Variants in C10orf67 observed in about 807,000 individuals in gnomAD.
C10orf67 encodes chromosome 10 open reading frame 67.
In C10orf67, 60 loss-of-function variants were observed where a neutral mutation model predicts 35.6. The ratio of observed to expected loss-of-function variants is 1.68; its 90% CI spans 1.37 to 2.09. C10orf67 has a LOEUF of 2.09. Among genes scored for constraint, C10orf67 ranks in the 30% most tolerant of loss-of-function variants. The probability of loss-of-function intolerance (pLI) is 0.00; values close to 1 mark genes in which losing one functional copy is unlikely to be tolerated. For missense variants in C10orf67, 474 were observed against 330.2 expected, an observed-to-expected ratio of 1.44 and a Z score of -3.38; for synonymous variants, 167 against 115.8, an observed-to-expected ratio of 1.44 and a Z score of -2.84.
intron 10 of C10orf67, among the ~76,000 whole-genome samples, chr10:23,259,129 T>C (rs1281812167): frequency 6.6e-6 from 1 of 152,230 alleles, no homozygotes; most frequent in African/African-American, 2.4e-5. Context: ...TTTTTCAAAC[T>C]ACAGAGCAAG....
chr10:23,232,237 A>G (rs1841932922), intron 13 of C10orf67, among the ~76,000 whole-genome samples: 1 of 152,188 alleles, frequency 6.6e-6, no homozygotes, highest in Admixed American at 6.5e-5. Context: ...AAAAAACATG[A>G]AACAACATAA....
intron 4 of C10orf67, among the ~76,000 whole-genome samples, chr10:23,304,986 T>A (rs1844221729): frequency 6.6e-6 from 1 of 152,152 alleles, no homozygotes; most frequent in African/African-American, 2.4e-5. Context: ...GTAACTCGGC[T>A]GCAACCCTAC....
intron 1 of C10orf67, chr10:23,344,113 C>G (rs1355341114): frequency 5.7e-6 from 1 of 176,046 alleles, no homozygotes; most frequent in Non-Finnish European, 1.2e-5. Context: ...GCGCGGGAAT[C>G]CGTGGGCGGG....
At chr10:23,261,786 T>C (rs905201814) in intron 10 of C10orf67, among the ~76,000 whole-genome samples, 2 of 152,222 alleles carry the variant, frequency 1.3e-5, no homozygotes, top group African/African-American at 2.4e-5. Flanking sequence ...AAAATAGTAA[T>C]AGATGAATCA....
In C10orf67 at chr10:23,250,662, T is replaced by C. The variant is rs1050644811; in HGVS notation, c.1230A>G (p.Gln410=). ...CTAAATTTGCCTTTAATGCTTCTAT[T>C]TGAGACTCCAAACCATGTTTGTCTT... ...VVEDKHGLES[Q]IEALKANLEN... The change falls in exon 11 of 16, where the codon CAA becomes CAG. Residue 410 remains glutamine (Q), a synonymous_variant. Coordinates refer to ENST00000636213, the MANE Select transcript of C10orf67 (RefSeq NM_001371909.1). The C allele has an allele frequency of 1.5e-4, 59 of 398,664 alleles. No individual in the cohort carries two copies. In the East Asian group the frequency reaches 1.5e-3, roughly 10 times the overall value. 24.7% of individuals were successfully genotyped at this position (398,664 alleles called of 1,614,324 possible).
intron 4 of C10orf67, chr10:23,317,950 A>T (rs1844791989): frequency 6.6e-6 from 1 of 151,214 alleles, no homozygotes. Flanking sequence ...ATATATATTT[A>T]AATTAACTGG....
chr10:23,342,815 G>A (rs1845956742), intron 1 of C10orf67, among the ~76,000 whole-genome samples: 1 of 152,202 alleles, frequency 6.6e-6, no homozygotes, highest in African/African-American at 2.4e-5. Flanking sequence ...TGCCTCACTG[G>A]GTCAGTCCCA....
At chr10:23,228,021 A>C (rs1283132971) in intron 13 of C10orf67, among the ~76,000 whole-genome samples, 1 of 152,202 alleles carries the variant, frequency 6.6e-6, no homozygotes, top group East Asian at 1.9e-4. Flanking sequence ...GCCCAAGGGA[A>C]TTTATAGATT....
chr10:23,228,530 C>G (rs1412310762), intron 13 of C10orf67, among the ~76,000 whole-genome samples: 1 of 152,124 alleles, frequency 6.6e-6, no homozygotes, highest in Non-Finnish European at 1.5e-5. Flanking sequence ...TAGGCATGGG[C>G]AAGGACTTCA....
chr10:23,287,983 G>A (rs1214437694), intron 7 of C10orf67, among the ~76,000 whole-genome samples: 7 of 152,146 alleles, frequency 4.6e-5, no homozygotes, highest in Non-Finnish European at 8.8e-5. Context: ...ATGCTGGTGA[G>A]GCTGCAGAGA....
intron 13 of C10orf67, among the ~76,000 whole-genome samples, chr10:23,230,113 T>G (rs1223643140): frequency 2.0e-5 from 3 of 152,082 alleles, no homozygotes; most frequent in African/African-American, 7.2e-5. Context: ...AAATCAGTGT[T>G]ATATTGGTGC....
intron 4 of C10orf67, among the ~76,000 whole-genome samples, chr10:23,308,821 G>A (rs1270694391): frequency 6.6e-6 from 1 of 152,138 alleles, no homozygotes; most frequent in Non-Finnish European, 1.5e-5. Context: ...TTTGGATAGT[G>A]CCTACAACAA....
At chr10:23,256,676 T>TCA (rs1842611737) in intron 10 of C10orf67, among the ~76,000 whole-genome samples, 1 of 150,190 alleles carries the variant, frequency 6.7e-6, no homozygotes, top group Non-Finnish European at 1.5e-5. Flanking sequence ...TTGCACTCAC[T>TCA]CACAAGTTTT....
intron 7 of C10orf67, among the ~76,000 whole-genome samples, chr10:23,283,894 C>T (rs1054976746): frequency 3.3e-5 from 5 of 152,092 alleles, no homozygotes; most frequent in Admixed American, 3.3e-4. Flanking sequence ...TCTCTGACTC[C>T]GGGTCTGCCT....
intron 2 of C10orf67, among the ~76,000 whole-genome samples, chr10:23,330,584 T>C (rs567131629): frequency 6.6e-5 from 10 of 151,570 alleles, no homozygotes; most frequent in African/African-American, 2.4e-4. Flanking sequence ...ACTAAAAATA[T>C]AAAAAATTAG....
intron 6 of C10orf67, among the ~76,000 whole-genome samples, chr10:23,290,860 A>G (rs553413674): frequency 1.3e-3 from 202 of 152,344 alleles, no homozygotes; most frequent in Middle Eastern, 6.8e-3. Flanking sequence ...AGTGAAATGG[A>G]GCATTGATTA....
chr10:23,259,247 A>G (rs568115254), intron 10 of C10orf67, among the ~76,000 whole-genome samples: 5 of 152,332 alleles, frequency 3.3e-5, no homozygotes, highest in African/African-American at 9.6e-5. Flanking sequence ...TCCTTCGTAT[A>G]TCAAGCTATT....
At chr10:23,328,993 C>CAAAAAAAAAAAAAAAAAAA (rs57772405) in intron 2 of C10orf67, among the ~76,000 whole-genome samples, 38 of 78,726 alleles carry the variant, frequency 4.8e-4, no homozygotes, top group East Asian at 7.5e-4. Context: ...CATAAACGAA[C>CAAAAAAAAAAAAAAAAAAA]AAAAAAAAAA....
At chr10:23,315,711 G>A (rs1360089101) in intron 4 of C10orf67, among the ~76,000 whole-genome samples, 1 of 152,128 alleles carries the variant, frequency 6.6e-6, no homozygotes, top group Admixed American at 6.6e-5. Context: ...ACAGTGCTAG[G>A]ATTATAGGCA....
Sources: gnomAD v4.1 joint callset for allele counts (sites outside exome capture counted in the v4.1 genomes callset) on GRCh38, gnomAD v4.1.1 for gene constraint, MANE v1.5 for transcripts, NCBI Gene and HGNC (gene_info 2026-07-23, HGNC 2026-07-21) for gene names.